Variants in SRRM3 observed in about 807,000 individuals in gnomAD.
SRRM3 encodes the protein serine/arginine repetitive matrix 3, also known as serine/arginine repetitive matrix protein 3.
A neutral mutation model predicts 66.2 loss-of-function variants in SRRM3; 27 were observed. The observed-to-expected ratio is 0.41, with a 90% CI of 0.30 to 0.56. SRRM3 has a LOEUF of 0.56. Among genes scored for constraint, SRRM3 ranks in the 20% least tolerant of loss-of-function variants. The probability of loss-of-function intolerance (pLI) is 0.32; values close to 1 mark genes in which losing one functional copy is unlikely to be tolerated. For missense variants in SRRM3, 918 were observed against 991.9 expected, an observed-to-expected ratio of 0.93 and a Z score of 1.00; for synonymous variants, 391 against 414.9, an observed-to-expected ratio of 0.94 and a Z score of 0.70.
chr7:76,216,336 C>T (rs911533535), intron 1 of SRRM3, among the ~76,000 whole-genome samples: 1 of 152,106 alleles, frequency 6.6e-6, no homozygotes, highest in Non-Finnish European at 1.5e-5. Flanking sequence ...CGTGAGCCAC[C>T]GTGCCTGCCC....
intron 3 of SRRM3, among the ~76,000 whole-genome samples, chr7:76,254,604 C>T (rs1801659850): frequency 1.3e-5 from 2 of 152,174 alleles, no homozygotes; most frequent in Admixed American, 1.3e-4. Context: ...AGGCACGAGC[C>T]ACCGCACCCA....
At chr7:76,228,064 C>T (rs1800923181) in intron 1 of SRRM3, among the ~76,000 whole-genome samples, 1 of 151,952 alleles carries the variant, frequency 6.6e-6, no homozygotes, top group Non-Finnish European at 1.5e-5. Flanking sequence ...GAGACAGTGT[C>T]TGACTATATT....
In SRRM3 at chr7:76,235,180, G is replaced by A. The variant is rs1554604669; in HGVS notation, c.114G>A (p.Glu38=). ...SSGTWPRAEE[E]LRAAEPGLVK... is the part of the protein sequence containing the mutation. ...GGACCTGGCCGCGGGCGGAAGAGGA[G>A]CTGCGCGCCGCGGAGCCGGGCCTGG... is the stretch of plus-strand genomic sequence containing the variant. The change falls in exon 2 of 15, where the codon GAG becomes GAA. Residue 38 remains glutamate (E), a synonymous_variant. Coordinates refer to ENST00000611745, the MANE Select transcript of SRRM3 (RefSeq NM_001110199.3). 1 of 1,549,758 alleles carries A rather than the reference G, an allele frequency of 6.5e-7. No individual in the cohort carries two copies. The highest frequency in any genetic ancestry group is 8.7e-7 in the Non-Finnish European group (1 of 1,155,840).
intron 1 of SRRM3, among the ~76,000 whole-genome samples, chr7:76,217,764 C>A (rs1447128477): frequency 2.0e-5 from 3 of 152,064 alleles, no homozygotes; most frequent in Non-Finnish European, 4.4e-5. Flanking sequence ...GCAGTTCTGG[C>A]CCTTGTTCCA....
chr7:76,234,221 G>GTGTGTGTGTGTGTT (rs1384743587), intron 1 of SRRM3, among the ~76,000 whole-genome samples: 2 of 151,902 alleles, frequency 1.3e-5, no homozygotes, highest in African/African-American at 4.8e-5. Flanking sequence ...GTGTGTGTGT[G>GTGTGTGTGTGTGTT]TGTCTGCTCT....
intron 1 of SRRM3, among the ~76,000 whole-genome samples, chr7:76,230,504 C>T (rs544711208): frequency 4.6e-5 from 7 of 152,002 alleles, no homozygotes; most frequent in South Asian, 2.1e-4. Context: ...AATTAAAAAT[C>T]GTCTGGGCAT....
chr7:76,282,825 GC>G lies in SRRM3; in HGVS notation c.1552del (p.His518ThrfsTer81), dbSNP rs1554612188. ...CTCGCTCGCGCTCTGCGGAGAAGCG[GC>G]CCCACAGCCCCAGCCGCTCGCCGTC... ...KSRSRSAEKR[P>X]HSPSRSPSPK... On this transcript the variant is annotated frameshift_variant, in exon 13 of 15. Transcript: ENST00000611745. LOFTEE classifies it high-confidence loss of function. 1 of 1,459,914 alleles carries G rather than the reference GC, an allele frequency of 6.8e-7. No homozygotes were observed. Among genetic ancestry groups the G allele is most frequent in the South Asian group, 1.3e-5 (1 of 76,640 alleles). 90.4% of individuals were successfully genotyped at this position (1,459,914 alleles called of 1,614,324 possible). A position where few individuals can be genotyped will look rare whatever the true frequency, so the allele number is the denominator to read the frequency against.
chr7:76,218,681 T>TTC (rs1800631475), intron 1 of SRRM3, among the ~76,000 whole-genome samples: 1 of 132,214 alleles, frequency 7.6e-6, no homozygotes, highest in African/African-American at 2.9e-5. Flanking sequence ...TTTCTTTTTT[T>TTC]TTTTTTTTTT....
At chr7:76,233,106 C>T (rs1801052514) in intron 1 of SRRM3, among the ~76,000 whole-genome samples, 4 of 152,098 alleles carry the variant, frequency 2.6e-5, no homozygotes, top group Admixed American at 2.6e-4. Context: ...AATTCAAGAC[C>T]ACCCTGGGCA....
In SRRM3 at chr7:76,267,247, C is replaced by A; in HGVS notation, c.831-11C>A. The A allele has an allele frequency of 6.5e-7, 1 of 1,529,302 alleles. No homozygotes were observed. The highest frequency in any genetic ancestry group is 1.5e-5 in the African/African-American group (1 of 68,736). The allele number at this position is 1,529,302 out of a possible 1,614,324, so 94.7% of individuals were successfully genotyped here. A position where few individuals can be genotyped will look rare whatever the true frequency, so the allele number is the denominator to read the frequency against. On this transcript the variant is annotated splice_polypyrimidine_tract_variant and intron_variant, in intron 10 of 14. Transcript: ENST00000611745. ...GCCGACTCCCCCATTCTTCCTGGCG[C>A]CTAACCCCAGGCTGAGCCCCAAGCA...
intron 2 of SRRM3, among the ~76,000 whole-genome samples, chr7:76,238,563 C>T (rs544959314): frequency 1.3e-5 from 2 of 152,266 alleles, no homozygotes; most frequent in Admixed American, 6.5e-5. Context: ...CACCGCGGGG[C>T]GGGACGGAGC....
Position 76,248,271 on chromosome 7 carries a change from A to T in SRRM3, c.317A>T (p.Asp106Val), listed in dbSNP as rs1801490705. Residue 106 changes from aspartate (D) to valine (V), a missense_variant, in exon 3 of 15, where the codon GAC (aspartate) becomes GTC (valine). By Grantham distance (152) the Asp-to-Val change is radical (BLOSUM62 -3). Transcript: ENST00000611745. ...MEKEGVLTRE[D>V]RPGGHIVAET... is the part of the protein sequence containing the mutation. ...AAGGAGGGAGTGCTCACCAGGGAGG[A>T]CCGGCCTGGGGGCCACATGTGAGTG... The T allele has an allele frequency of 6.2e-7, 1 of 1,613,320 alleles. No homozygotes were observed. The highest frequency in any genetic ancestry group is 1.7e-5 in the Admixed American group (1 of 59,956).
At chr7:76,204,020 C>T (rs935991274) in intron 1 of SRRM3, among the ~76,000 whole-genome samples, 1 of 152,130 alleles carries the variant, frequency 6.6e-6, no homozygotes, top group South Asian at 2.1e-4. Flanking sequence ...AAGGGGGGGT[C>T]TGGGTCTGAC....
At chr7:76,253,275 T>C (rs1380741836) in intron 3 of SRRM3, among the ~76,000 whole-genome samples, 6 of 151,910 alleles carry the variant, frequency 3.9e-5, no homozygotes, top group African/African-American at 1.5e-4. Flanking sequence ...TCACCTGAGT[T>C]TGGGAGTTTG....
At chr7:76,255,842 C>A (rs782024471) in intron 3 of SRRM3, among the ~76,000 whole-genome samples, 6 of 152,146 alleles carry the variant, frequency 3.9e-5, no homozygotes, top group Non-Finnish European at 7.3e-5. Flanking sequence ...TGTGGCCTGC[C>A]TCCCTTCCCT....
At chr7:76,242,424 G>C (rs1801329644) in intron 2 of SRRM3, among the ~76,000 whole-genome samples, 1 of 151,826 alleles carries the variant, frequency 6.6e-6, no homozygotes, top group Admixed American at 6.6e-5. Flanking sequence ...GATGGAGGTT[G>C]TGGTGAGCCG....
intron 1 of SRRM3, among the ~76,000 whole-genome samples, chr7:76,207,699 CAATAAATAAATA>C (rs112873033): frequency 4.6e-5 from 7 of 151,270 alleles, no homozygotes; most frequent in South Asian, 2.1e-4. Flanking sequence ...CCATCTCTAC[CAATAAATAAATA>C]AATAAATAAA....
chr7:76,212,817 T>G (rs1800466914), intron 1 of SRRM3, among the ~76,000 whole-genome samples: 1 of 151,996 alleles, frequency 6.6e-6, no homozygotes, highest in African/African-American at 2.4e-5. Context: ...ACACTAGAGT[T>G]GAGAACCGGT....
At chr7:76,281,408 C>T (rs113939634) in intron 11 of SRRM3, 33 bp from the exon 12 acceptor site, 101 of 1,216,058 alleles carry the variant, frequency 8.3e-5, no homozygotes, top group Non-Finnish European at 9.3e-5. Flanking sequence ...CCCTCTCCCC[C>T]CTCCGTGCCC....
Sources: gnomAD v4.1 joint callset for allele counts (sites outside exome capture counted in the v4.1 genomes callset) on GRCh38, gnomAD v4.1.1 for gene constraint, MANE v1.5 for transcripts, NCBI Gene and HGNC (gene_info 2026-07-23, HGNC 2026-07-21) for gene names.